MTUS2: variants seen among roughly 807,000 people sequenced by gnomAD.
The protein encoded by MTUS2 is microtubule-associated tumor suppressor candidate 2.
MTUS2 carries 40 observed loss-of-function variants against 114.1 expected under a neutral mutation model. The observed-to-expected ratio is 0.35, with a 90% CI of 0.27 to 0.46. MTUS2 has a LOEUF of 0.46. Among genes scored for constraint, MTUS2 ranks in the 20% least tolerant of loss-of-function variants. The pLI, the probability that MTUS2 is intolerant of heterozygous loss-of-function variation, is 1.00. For missense variants in MTUS2, 1,679 were observed against 1,705.4 expected, an observed-to-expected ratio of 0.98 and a Z score of 0.27; for synonymous variants, 688 against 672.0, an observed-to-expected ratio of 1.02 and a Z score of -0.37.
intron 5 of MTUS2, among the ~76,000 whole-genome samples, chr13:29,146,895 C>T (rs1405282069): frequency 1.3e-5 from 2 of 152,056 alleles, no homozygotes; most frequent in Admixed American, 1.3e-4. Context: ...ATTAAGTGTG[C>T]AGTACATGTT....
intron 5 of MTUS2, among the ~76,000 whole-genome samples, chr13:29,139,310 G>A (rs1892117759): frequency 6.6e-6 from 1 of 152,100 alleles, no homozygotes; most frequent in Admixed American, 6.5e-5. Context: ...TGCTCAGAAA[G>A]CTCTTCTTTA....
chr13:29,362,179 C>T (rs901240287), intron 8 of MTUS2, among the ~76,000 whole-genome samples: 2 of 152,324 alleles, frequency 1.3e-5, no homozygotes, highest in African/African-American at 2.4e-5. Flanking sequence ...AGAGATGGGT[C>T]TCACTATGTT....
At chr13:29,433,837 C>G (rs1877199129) in intron 8 of MTUS2, among the ~76,000 whole-genome samples, 1 of 152,146 alleles carries the variant, frequency 6.6e-6, no homozygotes, top group African/African-American at 2.4e-5. Context: ...GTAAAAAAAC[C>G]TTTAACCTTT....
chr13:29,078,158 C>T (rs1004035677), intron 4 of MTUS2, among the ~76,000 whole-genome samples: 1 of 152,090 alleles, frequency 6.6e-6, no homozygotes, highest in East Asian at 1.9e-4. Context: ...AATGAGTCCA[C>T]TTCAGCTTCT....
intron 6 of MTUS2, among the ~76,000 whole-genome samples, chr13:29,283,855 T>C (rs1340223435): frequency 6.6e-6 from 1 of 152,176 alleles, no homozygotes; most frequent in Admixed American, 6.5e-5. Context: ...AAGGTGAAAC[T>C]ACAATAGATT....
At chr13:28,925,070 G>C (rs1016689736) in intron 2 of MTUS2, among the ~76,000 whole-genome samples, 1 of 152,082 alleles carries the variant, frequency 6.6e-6, no homozygotes, top group African/African-American at 2.4e-5. Context: ...CTAATGCTAA[G>C]AGGACAGTGA....
Position 29,492,150 on chromosome 13 carries a change from ATGTG to A in MTUS2, c.3506-489_3506-486del, listed in dbSNP as rs147504674. ...TATGTGATGTGTGTGGTAGGTGTGT[ATGTG>A]TGTGTGGTGTGTATGTGATGTGTGT... On this transcript the variant is annotated intron_variant, in intron 11 of 15. Transcript: ENST00000612955. Among the ~76,000 whole-genome samples, 99 of 128,702 alleles carry A rather than the reference ATGTG, an allele frequency of 7.7e-4. 1 individual carries two copies. Among genetic ancestry groups the A allele is most frequent in the African/African-American group, 3.3e-3 (85 of 25,426 alleles). 84.4% of individuals were successfully genotyped at this position (128,702 alleles called of 152,430 possible). A position where few individuals can be genotyped will look rare whatever the true frequency, so the allele number is the denominator to read the frequency against.
At chr13:29,020,869 A>T (rs1192078727) in intron 2 of MTUS2, among the ~76,000 whole-genome samples, 5 of 151,030 alleles carry the variant, frequency 3.3e-5, no homozygotes. Context: ...AAGCAAGGGG[A>T]TGTGAAGACC....
chr13:29,252,181 A>G (rs1429261815), intron 5 of MTUS2, among the ~76,000 whole-genome samples: 2 of 151,866 alleles, frequency 1.3e-5, no homozygotes, highest in Non-Finnish European at 2.9e-5. Flanking sequence ...CTATCTAAAT[A>G]CTATTATAAT....
chr13:28,979,477 G>A (rs1259783576), intron 2 of MTUS2, among the ~76,000 whole-genome samples: 1 of 152,006 alleles, frequency 6.6e-6, no homozygotes, highest in Non-Finnish European at 1.5e-5. Context: ...TAGAAATCCA[G>A]CATATACTTT....
At chr13:29,248,518 C>T (rs1050465402) in intron 5 of MTUS2, among the ~76,000 whole-genome samples, 2 of 151,758 alleles carry the variant, frequency 1.3e-5, no homozygotes, top group Admixed American at 6.6e-5. Context: ...GGTGAATGTA[C>T]AGGTTTGTAA....
chr13:29,034,698 C>T (rs550217104), intron 4 of MTUS2, among the ~76,000 whole-genome samples: 10 of 152,222 alleles, frequency 6.6e-5, no homozygotes, highest in South Asian at 4.2e-4. Context: ...TTTGGTCATC[C>T]GGCAGGATAC....
At chr13:29,408,021 A>G (rs1243640326) in intron 8 of MTUS2, among the ~76,000 whole-genome samples, 2 of 151,582 alleles carry the variant, frequency 1.3e-5, no homozygotes, top group East Asian at 1.9e-4. Context: ...TCTTTTTTCT[A>G]TCGTGTTATA....
chr13:29,265,603 C>A (rs1009027429), intron 5 of MTUS2, among the ~76,000 whole-genome samples: 32 of 152,156 alleles, frequency 2.1e-4, no homozygotes, highest in Admixed American at 1.4e-3. Context: ...GCTCATGGTT[C>A]TGCAGGCTTT....
At chr13:29,410,192 T>C (rs1192751886) in intron 8 of MTUS2, among the ~76,000 whole-genome samples, 1 of 151,952 alleles carries the variant, frequency 6.6e-6, no homozygotes, top group East Asian at 1.9e-4. Context: ...TGGCACCGTC[T>C]CAGCTCACTG....
intron 2 of MTUS2, among the ~76,000 whole-genome samples, chr13:28,866,454 T>C (rs1403255709): frequency 6.6e-6 from 1 of 152,122 alleles, no homozygotes; most frequent in Non-Finnish European, 1.5e-5. Context: ...TGTTGTGTGG[T>C]CTTTGTGCTT....
intron 12 of MTUS2, 38 bp from the exon 13 acceptor site, chr13:29,497,200 A>G (rs1882605901): frequency 6.4e-7 from 1 of 1,574,070 alleles, no homozygotes. Flanking sequence ...TGCTGTCTGT[A>G]GTGGCCCCAG....
intron 4 of MTUS2, among the ~76,000 whole-genome samples, chr13:29,057,171 A>T (rs1309164892): frequency 6.6e-6 from 1 of 151,982 alleles, no homozygotes; most frequent in East Asian, 1.9e-4. Flanking sequence ...TGTGTTTGTT[A>T]TGATTTTGGT....
intron 4 of MTUS2, among the ~76,000 whole-genome samples, chr13:29,053,445 C>T (rs923351265): frequency 6.6e-6 from 1 of 152,060 alleles, no homozygotes; most frequent in Non-Finnish European, 1.5e-5. Context: ...TCACAGTGTC[C>T]CCTTGGGCAA....
Sources: allele counts gnomAD v4.1 joint callset (sites outside exome capture counted in the v4.1 genomes callset), GRCh38; gene constraint gnomAD v4.1.1; transcripts MANE v1.5; gene names NCBI Gene and HGNC (gene_info 2026-07-23, HGNC 2026-07-21).